Variants in NIT1 observed in about 807,000 individuals in gnomAD.
NIT1 encodes the protein nitrilase 1.
A neutral mutation model predicts 36.8 loss-of-function variants in NIT1; 30 were observed. That is an observed-to-expected ratio of 0.82 (90% CI 0.61 to 1.11). The LOEUF is 1.11. NIT1 is among the 50% of genes least tolerant of loss of function. The probability of loss-of-function intolerance (pLI) is 0.00; values close to 1 mark genes in which losing one functional copy is unlikely to be tolerated. For synonymous variants in NIT1, 151 were observed against 155.6 expected (o/e 0.97, Z 0.22); for missense variants, 438 against 410.6 (o/e 1.07, Z -0.58).
In NIT1 at chr1:161,119,846, C is replaced by T; in HGVS notation, c.485C>T (p.Thr162Ile). 1 of 1,610,358 alleles carries T rather than the reference C, an allele frequency of 6.2e-7. No homozygotes were observed. Among genetic ancestry groups the T allele is most frequent in the Non-Finnish European group, 8.5e-7 (1 of 1,178,440 alleles). The change falls in exon 5 of 7, where the codon ACA becomes ATA. Residue 162 changes from threonine (T) to isoleucine (I), a missense_variant. Transcript: ENST00000368009. ...GCAGTAGTGGCCACTTACAGGAAGA[C>T]ACATCTGTGTGACGTAGAGATTCCA... ...KGAVVATYRK[T>I]HLCDVEIPGQ...
Position 161,119,876 on chromosome 1 carries a change from A to T in NIT1, c.515A>T (p.Gln172Leu). The change falls in exon 5 of 7, where the codon CAG (glutamine) becomes CTG (leucine). Residue 172 changes from glutamine to leucine, a missense_variant. Coordinates refer to ENST00000368009, the MANE Select transcript of NIT1 (RefSeq NM_005600.3). ...THLCDVEIPG[Q>L]GPMCESNSTM... ...CTGTGTGACGTAGAGATTCCAGGGCAGGGGCCTATGTGTGAAAGCAACTCT... is the reference window on the plus strand; with the variant it reads ...CTGTGTGACGTAGAGATTCCAGGGCTGGGGCCTATGTGTGAAAGCAACTCT... 1 of 1,613,254 alleles carries T rather than the reference A, an allele frequency of 6.2e-7. No individual in the cohort carries two copies. The highest frequency in any genetic ancestry group is 8.5e-7 in the Non-Finnish European group (1 of 1,179,784).
chr1:161,118,127 C>T lies in NIT1; in HGVS notation c.-50C>T, dbSNP rs774916342. ...CCCACTCGCTGCGGCGCTTCTGGCT[C>T]CAGACCGCCCTCCGGATCGGACCCT... is the stretch of plus-strand genomic sequence containing the variant. On this transcript the variant is annotated 5_prime_UTR_variant, in exon 1 of 7. Transcript: ENST00000368009. 3.7e-6 allele frequency: 6 copies of T among 1,613,780 alleles called. No homozygotes were observed. The Admixed American group carries it at 1.0e-4, about 27-fold the overall frequency.
At chr1:161,118,961 G>A in intron 2 of NIT1, 80 bp downstream of exon 2, 1 of 1,342,372 alleles carries the variant, frequency 7.4e-7, no homozygotes, top group Non-Finnish European at 1.1e-6. Flanking sequence ...ACACAGGAGT[G>A]TCAACTATCC....
chr1:161,121,641 C>T (rs531523208), downstream of NIT1: 1 of 155,938 alleles, frequency 6.4e-6, no homozygotes, highest in African/African-American at 2.4e-5. Flanking sequence ...TGGAAAGGGC[C>T]ACAGCTTGTT....
At chr1:161,121,213 T>C, downstream of NIT1, 1 of 998,528 alleles carries the variant, frequency 1.0e-6, no homozygotes, top group Non-Finnish European at 1.2e-6. Flanking sequence ...CCCAGCCCCA[T>C]TCTCCCAAGC....
downstream of NIT1, chr1:161,124,790 G>A (rs987407867): frequency 1.3e-5 from 3 of 228,660 alleles, no homozygotes; most frequent in Admixed American, 5.2e-5. Context: ...AGGGAGACCC[G>A]TTTCTACAAA....
chr1:161,119,419 A>G (rs371117752), intron 3 of NIT1, 31 bp downstream of exon 3: 2 of 1,613,184 alleles, frequency 1.2e-6, no homozygotes, highest in East Asian at 2.2e-5. Context: ...GAGAGGTAGA[A>G]TCTTTGTTGG....
chr1:161,124,475 G>A (rs751184011), downstream of NIT1: 3 of 1,590,506 alleles, frequency 1.9e-6, 1 homozygote, highest in South Asian at 3.4e-5. Flanking sequence ...TGGGGGCTCA[G>A]GTACGCAATG....
At chr1:161,120,077 GACT>G (rs749466407) in intron 5 of NIT1, 27 bp from the exon 6 acceptor site, 8 of 1,613,878 alleles carry the variant, frequency 5.0e-6, no homozygotes, top group Admixed American at 3.3e-5. Flanking sequence ...AGAGCAGGAA[GACT>G]ACTAAGTAGG....
chr1:161,122,978 A>G, downstream of NIT1: 1 of 1,611,762 alleles, frequency 6.2e-7, no homozygotes, highest in Admixed American at 1.7e-5. The surrounding 1 kb of genome is among the most constrained non-coding windows in gnomAD (Gnocchi z 4.2). Context: ...ATCAAAGTGA[A>G]TCTCACACTG....
chr1:161,123,508 C>T (rs1307615466), downstream of NIT1, among the ~76,000 whole-genome samples: 3 of 151,940 alleles, frequency 2.0e-5, no homozygotes, highest in African/African-American at 4.8e-5. Flanking sequence ...TGCTGGCGGG[C>T]GCCTGTAGTC....
chr1:161,120,557 G>C lies in NIT1; in HGVS notation c.776G>C (p.Cys259Ser). The C allele has an allele frequency of 6.2e-7, 1 of 1,614,204 alleles. No individual in the cohort carries two copies. Among genetic ancestry groups the C allele is most frequent in the South Asian group, 1.1e-5 (1 of 91,082 alleles). ...TGCTATGTAGTGGCAGCAGCACAGT[G>C]TGGACGCCACCATGAGAAGAGAGCA... Reference protein sequence around the residue: ...TQCYVVAAAQCGRHHEKRASY... With the variant: ...TQCYVVAAAQSGRHHEKRASY... Residue 259 changes from cysteine to serine, a missense_variant, in exon 7 of 7, where the codon TGT (cysteine) becomes TCT (serine). Cys to Ser is a moderately radical substitution (Grantham distance 112). Transcript: ENST00000368009.
At chr1:161,123,920 G>T, downstream of NIT1, 1 of 1,614,138 alleles carries the variant, frequency 6.2e-7, no homozygotes, top group Non-Finnish European at 8.5e-7. Flanking sequence ...GTCTCCTCCA[G>T]ATACTTGTCT....
downstream of NIT1, chr1:161,123,190 G>C (rs748205290): frequency 1.9e-6 from 3 of 1,614,056 alleles, no homozygotes; most frequent in Admixed American, 5.0e-5. Flanking sequence ...GACCCGAAGT[G>C]GGGCAACACA....
chr1:161,123,093 TG>T, downstream of NIT1: 2 of 1,614,182 alleles, frequency 1.2e-6, no homozygotes, highest in Non-Finnish European at 1.7e-6. Context: ...TGCTTCTCCT[TG>T]GGATCTGGTG....
chr1:161,118,239 T>C (rs1655044659), intron 1 of NIT1, 61 bp downstream of exon 1: 6 of 1,613,734 alleles, frequency 3.7e-6, no homozygotes, highest in Non-Finnish European at 5.1e-6. Flanking sequence ...CTTTAACTTG[T>C]GTAACAGAGA....
downstream of NIT1, chr1:161,124,755 C>T (rs963161511): frequency 4.2e-5 from 15 of 355,840 alleles, no homozygotes; most frequent in African/African-American, 2.9e-4. Context: ...TGAGCCCAGG[C>T]GTTTAAGACC....
chr1:161,118,686 G>T (rs1655084799), intron 1 of NIT1, 100 bp from the exon 2 acceptor site: 1 of 1,462,206 alleles, frequency 6.8e-7, no homozygotes, highest in South Asian at 1.2e-5. Flanking sequence ...TACTGGCAGG[G>T]CCCTGATTCA....
chr1:161,124,447 G>A (rs1329681034), downstream of NIT1: 5 of 1,602,676 alleles, frequency 3.1e-6, no homozygotes, highest in South Asian at 1.1e-5. Flanking sequence ...CTTGCCCGCC[G>A]CTTTAGGCCC....
Sources: allele counts gnomAD v4.1 joint callset (sites outside exome capture counted in the v4.1 genomes callset), GRCh38; gene constraint gnomAD v4.1.1; non-coding constraint Gnocchi (gnomAD v3.1); transcripts MANE v1.5; gene names NCBI Gene and HGNC (gene_info 2026-07-23, HGNC 2026-07-21).